The following CUL2 variants were observed in gnomAD, a reference collection of about 807,000 sequenced individuals.
The protein encoded by CUL2 is cullin-2.
A neutral mutation model predicts 110.2 loss-of-function variants in CUL2; 22 were observed. The observed-to-expected ratio is 0.20, with a 90% confidence interval of 0.14 to 0.28. The LOEUF is 0.28. Ranked by LOEUF, CUL2 falls within the 10% of genes least tolerant of loss-of-function variation. The pLI, the probability that CUL2 is intolerant of heterozygous loss-of-function variation, is 1.00. For missense variants in CUL2, 631 were observed against 905.5 expected (o/e 0.70, Z 3.89); for synonymous variants, 279 against 293.2 (o/e 0.95, Z 0.49).
At position 35,025,139 on chromosome 10, in the gene CUL2, C is replaced by A; in HGVS notation, c.1677G>T (p.Leu559=). The A allele has an allele frequency of 6.4e-7, 1 of 1,561,656 alleles. No homozygotes were observed. Among genetic ancestry groups the A allele is most frequent in the South Asian group, 1.2e-5 (1 of 80,916 alleles). The change falls in exon 17 of 21, where the codon CTG becomes CTT. Residue 559 remains leucine (L), a synonymous_variant. Coordinates refer to ENST00000374749, the MANE Select transcript of CUL2 (RefSeq NM_003591.4). ...TAATTAAATGCATTTTACCTGTACA[C>A]AGATAATGTAACCATGTAAGTTTCC... is the stretch of plus-strand genomic sequence containing the variant. The part of the protein sequence containing the change: ...SGRKLTWLHY[L]CTGEVKMNYL...
At chr10:35,051,802 A>T (rs1284784309) in intron 5 of CUL2, among the ~76,000 whole-genome samples, 2 of 152,178 alleles carry the variant, frequency 1.3e-5, no homozygotes, top group African/African-American at 2.4e-5. Context: ...AGTTTTTTAT[A>T]TATTGTGGAA....
chr10:35,071,369 G>C (rs1396818184), intron 1 of CUL2, 30 bp from the exon 2 acceptor site: 2 of 1,576,586 alleles, frequency 1.3e-6, no homozygotes, highest in East Asian at 2.2e-5. Flanking sequence ...AACAATGTTA[G>C]CAATAATTCC....
chr10:35,074,427 G>T, intron 1 of CUL2: 1 of 598,928 alleles, frequency 1.7e-6, no homozygotes. Flanking sequence ...TCTACCTAAA[G>T]TGCTTATCTT....
At chr10:35,038,870 T>C in intron 9 of CUL2, 50 bp downstream of exon 9, 3 of 1,316,412 alleles carry the variant, frequency 2.3e-6, no homozygotes, top group Non-Finnish European at 2.1e-6. Context: ...GAGGATGATA[T>C]AAAAGGTGGA....
At chr10:35,067,346 G>C (rs902754674) in intron 2 of CUL2, among the ~76,000 whole-genome samples, 1 of 152,094 alleles carries the variant, frequency 6.6e-6, no homozygotes, top group African/African-American at 2.4e-5. Context: ...CTGGAGTCTG[G>C]AATGGAAATC....
Position 35,011,872 on chromosome 10 carries a change from A to G in CUL2, c.2082T>C (p.Leu694=), listed in dbSNP as rs754850217. The change falls in exon 20 of 21, where the codon CTT becomes CTC. Residue 694 remains leucine, a synonymous_variant. Coordinates refer to ENST00000374749, the MANE Select transcript of CUL2 (RefSeq NM_003591.4). ...IVRIMKARKV[L]RHNALIQEVI... ...CCTCTTGAATAAGGGCATTGTGCCG[A>G]AGCACTTTTCGTGCTTTCATGATAC... 2.0e-5 allele frequency: 32 copies of G among 1,612,896 alleles called. No individual in the cohort carries two copies. The highest frequency in any genetic ancestry group is 2.7e-5 in the Non-Finnish European group (32 of 1,179,108).
rs181338774 is a variant in CUL2 at position 35,079,175 on chromosome 10, T to C, written c.-22-7836A>G. Among the ~76,000 whole-genome samples, 64 of 152,312 alleles carry C rather than the reference T, an allele frequency of 4.2e-4. 1 individual carries two copies. In the East Asian group the frequency reaches 0.011, roughly 25 times the overall value. ...ATTAACAAAAACTAGCAGTAAGATA[T>C]AACAATTATAACAATATGCTATAAT... On this transcript the variant is annotated intron_variant, in intron 1 of 20. Coordinates refer to ENST00000374749, the MANE Select transcript of CUL2 (RefSeq NM_003591.4).
At chr10:35,040,110 G>C (rs1469361578) in intron 8 of CUL2, among the ~76,000 whole-genome samples, 1 of 151,794 alleles carries the variant, frequency 6.6e-6, no homozygotes, top group Non-Finnish European at 1.5e-5. Context: ...CCGACATCAC[G>C]CCACTGCACT....
chr10:35,074,658 G>C (rs201317468), intron 1 of CUL2, among the ~76,000 whole-genome samples: 2 of 152,208 alleles, frequency 1.3e-5, no homozygotes, highest in East Asian at 3.9e-4. Flanking sequence ...CCTAATTTTT[G>C]TATTGTTAAT....
At chr10:35,038,785 T>A in intron 9 of CUL2, 135 bp downstream of exon 9, 1 of 531,064 alleles carries the variant, frequency 1.9e-6, no homozygotes, top group Non-Finnish European at 3.1e-6. Context: ...AAATAAAGTA[T>A]TAATAATCTG....
chr10:35,061,801 T>C (rs1297498805), intron 3 of CUL2, among the ~76,000 whole-genome samples: 1 of 149,430 alleles, frequency 6.7e-6, no homozygotes, highest in Non-Finnish European at 1.5e-5. Flanking sequence ...ACAGGTAGTG[T>C]CTCACTATAT....
chr10:35,078,195 T>A (rs935591314), intron 1 of CUL2, among the ~76,000 whole-genome samples: 7 of 152,108 alleles, frequency 4.6e-5, no homozygotes, highest in Admixed American at 3.9e-4. Context: ...TGTCCCTAAA[T>A]GTGATGTGTT....
intron 19 of CUL2, among the ~76,000 whole-genome samples, chr10:35,013,071 T>G (rs1188518618): frequency 1.3e-5 from 2 of 152,168 alleles, no homozygotes; most frequent in African/African-American, 4.8e-5. Context: ...CCAGGCGCGG[T>G]GGTTCACACC....
intron 15 of CUL2, 88 bp downstream of exon 15, chr10:35,029,400 A>C: frequency 1.0e-6 from 1 of 980,342 alleles, no homozygotes; most frequent in South Asian, 2.1e-5. Flanking sequence ...TCACAGAACC[A>C]AACGTAATCA....
intron 8 of CUL2, among the ~76,000 whole-genome samples, chr10:35,039,322 C>T (rs2085716231): frequency 6.6e-6 from 1 of 152,182 alleles, no homozygotes; most frequent in Non-Finnish European, 1.5e-5. Context: ...AAATAGTCTG[C>T]ATTTTGTCTT....
chr10:35,046,283 T>G (rs1276884947), intron 6 of CUL2, among the ~76,000 whole-genome samples: 1 of 152,208 alleles, frequency 6.6e-6, no homozygotes, highest in Non-Finnish European at 1.5e-5. Context: ...TTCAATCTGG[T>G]GAGATACTGA....
At position 35,082,432 on chromosome 10, in the gene CUL2, A is replaced by G. The variant is rs184406865; in HGVS notation, c.-23+7747T>C. 1.1e-3 allele frequency among the ~76,000 whole-genome samples: 172 copies of G among 152,316 alleles called. 2 individuals are homozygous for G. Among genetic ancestry groups the G allele is most frequent in the African/African-American group, 3.8e-3 (159 of 41,580 alleles). On this transcript the variant is annotated intron_variant, in intron 1 of 20. Coordinates refer to ENST00000374749, the MANE Select transcript of CUL2 (RefSeq NM_003591.4). ...GGGAGCTACTGCCTAATGGTTGTAC[A>G]GTTTCTGTCTAGTAACGAAAAAGTT... is the stretch of plus-strand genomic sequence containing the variant.
rs749856215 is a variant in CUL2, at chr10:35,044,549, T to G, written c.714+17A>C. 1.4e-5 allele frequency: 20 copies of G among 1,445,950 alleles called. No homozygotes were observed. The Middle Eastern group carries it at 7.3e-4, about 53-fold the overall frequency. 89.6% of individuals were successfully genotyped at this position (1,445,950 alleles called of 1,614,324 possible). A position where few individuals can be genotyped will look rare whatever the true frequency, so the allele number is the denominator to read the frequency against. ...ATACAAAATAGATAAATGTATTCGA[T>G]ATGTTTTATTTCTTACCTTTTCCAT... is the stretch of plus-strand genomic sequence containing the variant. On this transcript the variant is annotated intron_variant, in intron 8 of 20. Coordinates refer to ENST00000374749, the MANE Select transcript of CUL2 (RefSeq NM_003591.4).
chr10:35,074,504 CTTT>C (rs892594917), intron 1 of CUL2, among the ~76,000 whole-genome samples: 1 of 151,532 alleles, frequency 6.6e-6, no homozygotes, highest in Non-Finnish European at 1.5e-5. Context: ...GGTCCACTAG[CTTT>C]TTTTTTGTTT....
Sources: gnomAD v4.1 joint callset for allele counts (sites outside exome capture counted in the v4.1 genomes callset) on GRCh38, gnomAD v4.1.1 for gene constraint, MANE v1.5 for transcripts, NCBI Gene and HGNC (gene_info 2026-07-23, HGNC 2026-07-21) for gene names.